The following KIF21B variants were observed in gnomAD, a reference collection of about 807,000 sequenced individuals.
KIF21B encodes kinesin-like protein KIF21B.
Under a neutral mutation model 192.9 loss-of-function variants are expected in KIF21B, and 85 were observed. That is an observed-to-expected ratio of 0.44 (90% CI 0.37 to 0.53). The LOEUF is 0.53. KIF21B is among the 20% of genes least tolerant of loss of function. The probability of loss-of-function intolerance (pLI) is 0.00; values close to 1 mark genes in which losing one functional copy is unlikely to be tolerated. For missense variants in KIF21B, 1,716 were observed against 2,194.8 expected (o/e 0.78, Z 4.36); for synonymous variants, 832 against 884.6 (o/e 0.94, Z 1.05).
At position 200,991,728 on chromosome 1, in the gene KIF21B, G is replaced by A. The variant is rs1184333302; in HGVS notation, c.2386-3C>T. 4 of 1,613,904 alleles carry A rather than the reference G, an allele frequency of 2.5e-6. No homozygotes were observed. In the African/African-American group the frequency reaches 4.0e-5, roughly 16 times the overall value. On this transcript the variant is annotated splice_polypyrimidine_tract_variant and splice_region_variant and intron_variant, in intron 16 of 34. Transcript: ENST00000461742. Reference sequence around the variant, plus strand: ...GACTCCAGAGCTCGGATCTGAAACTGTGGGAGACAGAAGAGGGCTGGGCTC... The same window carrying A: ...GACTCCAGAGCTCGGATCTGAAACTATGGGAGACAGAAGAGGGCTGGGCTC...
At position 201,000,689 on chromosome 1, in the gene KIF21B, G is replaced by A. The variant is rs375457053; in HGVS notation, c.1466+28C>T. On this transcript the variant is annotated intron_variant, in intron 10 of 34. Coordinates refer to ENST00000461742, the MANE Select transcript of KIF21B (RefSeq NM_001252102.2). The surrounding 1 kb of genome is among the most constrained non-coding windows in gnomAD (Gnocchi z 6.0). The stretch of plus-strand genomic sequence containing the variant: ...CACCTGGCCGAGGCCCCCAGCCCGC[G>A]CACACCTGCCGGAGCTCACTCACTC... 5 of 1,613,918 alleles carry A rather than the reference G, an allele frequency of 3.1e-6. No individual in the cohort carries two copies. In the South Asian group the frequency reaches 3.3e-5, roughly 11 times the overall value.
chr1:200,990,877 C>A lies in KIF21B; in HGVS notation c.2687+40G>T. 6.2e-7 allele frequency: 1 copy of A among 1,611,496 alleles called. No individual in the cohort carries two copies. The highest frequency in any genetic ancestry group is 8.5e-7 in the Non-Finnish European group (1 of 1,177,916). ...TGGCCCTGCCCCATATTCCCACCCCCTCTGCCTGCACAGGCCAGGGGACTG... is the reference window on the plus strand; with the variant it reads ...TGGCCCTGCCCCATATTCCCACCCCATCTGCCTGCACAGGCCAGGGGACTG... On this transcript the variant is annotated intron_variant, in intron 18 of 34. Transcript: ENST00000461742. The surrounding 1 kb of genome is among the most constrained non-coding windows in gnomAD (Gnocchi z 5.4).
At chr1:201,004,489 C>T (rs375185259) in intron 6 of KIF21B, 34 bp from the exon 7 acceptor site, 1 of 1,524,486 alleles carries the variant, frequency 6.6e-7, no homozygotes, top group Non-Finnish European at 8.9e-7. Flanking sequence ...TCAGCAGTCA[C>T]TCAGGGAGCG....
At chr1:201,020,808 T>TACACACACACACAC (rs60686711) in intron 1 of KIF21B, among the ~76,000 whole-genome samples, 7,245 of 142,782 alleles carry the variant, frequency 0.051, 349 homozygotes, top group African/African-American at 0.12. Context: ...CTCTCTCCTC[T>TACACACACACACAC]ACACACACAC....
At chr1:201,018,915 C>T (rs1188168930) in intron 1 of KIF21B, among the ~76,000 whole-genome samples, 1 of 152,140 alleles carries the variant, frequency 6.6e-6, no homozygotes, top group Non-Finnish European at 1.5e-5. Flanking sequence ...CTCTTAGGTA[C>T]ACTTACATTA....
In KIF21B at chr1:200,982,575, TCCC is replaced by T. The variant is rs35077751; in HGVS notation, c.3842+478_3842+480del. ...AGGGGCGCTGCCCCCATGGTGCCCC[TCCC>T]CCCATGGTGCCCCTCCCAGAGCCAA... is the stretch of plus-strand genomic sequence containing the variant. On this transcript the variant is annotated intron_variant, in intron 28 of 34. Coordinates refer to ENST00000461742, the MANE Select transcript of KIF21B (RefSeq NM_001252102.2). This position sits in a 1 kb window ranked among gnomAD's most constrained non-coding sequence, Gnocchi z 4.7. 1.9e-3 allele frequency among the ~76,000 whole-genome samples: 281 copies of T among 151,556 alleles called. No homozygotes were observed. The highest frequency in any genetic ancestry group is 2.7e-3 in the Non-Finnish European group (186 of 67,850).
In KIF21B at chr1:200,999,454, G is replaced by T. The variant is rs758635507; in HGVS notation, c.1780C>A (p.Arg594=). ...ENEAEEEEEE[R]DESGCEEEEG... is the part of the protein sequence containing the mutation. Reference sequence around the variant, plus strand: ...TCCTCCTCACAGCCACTCTCGTCTCGCTCTTCCTCCTCCTGGGCACCAGGC... The same window carrying T: ...TCCTCCTCACAGCCACTCTCGTCTCTCTCTTCCTCCTCCTGGGCACCAGGC... Residue 594 remains arginine (R), a synonymous_variant, in exon 13 of 35, where the codon CGA becomes AGA. Transcript: ENST00000461742. This position sits in a 1 kb window ranked among gnomAD's most constrained non-coding sequence, Gnocchi z 4.7. 1 of 1,613,670 alleles carries T rather than the reference G, an allele frequency of 6.2e-7. No individual in the cohort carries two copies. The highest frequency in any genetic ancestry group is 8.5e-7 in the Non-Finnish European group (1 of 1,179,788).
rs1656648650 is a variant in KIF21B, at chr1:200,990,951, G to C, written c.2653C>G (p.Pro885Ala). Residue 885 changes from proline (P) to alanine (A), a missense_variant, in exon 18 of 35, where the codon CCT becomes GCT. Transcript: ENST00000461742. This position sits in a 1 kb window ranked among gnomAD's most constrained non-coding sequence, Gnocchi z 5.4. ...CGGGTGCCATTGACAGTGGGCGCAG[G>C]ATGGTCCCCCAAGAAGTGGTTGATT... ...RKINHFLGDH[P>A]APTVNGTRPA... is the part of the protein sequence containing the mutation. 1.2e-6 allele frequency: 2 copies of C among 1,614,162 alleles called. No homozygotes were observed. Among genetic ancestry groups the C allele is most frequent in the African/African-American group, 1.3e-5 (1 of 75,058 alleles).
intron 1 of KIF21B, among the ~76,000 whole-genome samples, chr1:201,016,563 G>A (rs1055382816): frequency 2.0e-5 from 3 of 152,186 alleles, no homozygotes; most frequent in Non-Finnish European, 2.9e-5. Flanking sequence ...CAGACACCCG[G>A]GGGCTTTTAG....
At chr1:200,974,204 G>A (rs1359267066) in intron 34 of KIF21B, 1 of 1,544,080 alleles carries the variant, frequency 6.5e-7, no homozygotes. Context: ...ACTGTGTGGG[G>A]AGAGAGGCGA....
intron 7 of KIF21B, among the ~76,000 whole-genome samples, 166 bp downstream of exon 7, chr1:201,004,174 C>T (rs190035869): frequency 1.3e-5 from 2 of 152,302 alleles, no homozygotes; most frequent in East Asian, 1.9e-4. Flanking sequence ...GCCATAGCTG[C>T]CTGAAGGTCA....
chr1:201,004,389 T>G lies in KIF21B; in HGVS notation c.967A>C (p.Arg323=). 6.3e-7 allele frequency: 1 copy of G among 1,581,172 alleles called. No individual in the cohort carries two copies. Among genetic ancestry groups the G allele is most frequent in the Non-Finnish European group, 8.6e-7 (1 of 1,162,840 alleles). The change falls in exon 7 of 35, where the codon AGG becomes CGG. Residue 323 remains arginine, a synonymous_variant. Coordinates refer to ENST00000461742, the MANE Select transcript of KIF21B (RefSeq NM_001252102.2). Reference sequence around the variant, plus strand: ...AGGAGCCGAGTGAGCTTGGAGTCCCTGTAGGGAACGTGCACCACCTTCTTG... The same window carrying G: ...AGGAGCCGAGTGAGCTTGGAGTCCCGGTAGGGAACGTGCACCACCTTCTTG... ...QSKKVVHVPY[R]DSKLTRLLQD... is the part of the protein sequence containing the mutation.
chr1:200,986,923 A>G lies in KIF21B; in HGVS notation c.3615-5T>C. ...GTGGCTCGAGATTGCCTAGGGCTAC[A>G]ACAGAAGAGTCCAGTGAGGCCCAGA... On this transcript the variant is annotated splice_polypyrimidine_tract_variant and splice_region_variant and intron_variant, in intron 25 of 34. Coordinates refer to ENST00000461742, the MANE Select transcript of KIF21B (RefSeq NM_001252102.2). 1.2e-6 allele frequency: 2 copies of G among 1,613,676 alleles called. No individual in the cohort carries two copies. The highest frequency in any genetic ancestry group is 2.2e-5 in the South Asian group (2 of 91,006).
In KIF21B at chr1:200,981,192, G is replaced by T; in HGVS notation, c.3843-96C>A. Reference sequence around the variant, plus strand: ...GTGTGTGGGATGGGGACAGGGCAGGGAGGGGATGAGGACCAAATAACAGAG... The same window carrying T: ...GTGTGTGGGATGGGGACAGGGCAGGTAGGGGATGAGGACCAAATAACAGAG... On this transcript the variant is annotated intron_variant, in intron 28 of 34. Coordinates refer to ENST00000461742, the MANE Select transcript of KIF21B (RefSeq NM_001252102.2). 3.0e-6 allele frequency: 4 copies of T among 1,324,410 alleles called. No homozygotes were observed. The South Asian group carries it at 4.6e-5, about 15-fold the overall frequency. 82.0% of individuals were successfully genotyped at this position (1,324,410 alleles called of 1,614,324 possible).
chr1:200,973,411 C>T lies in KIF21B; in HGVS notation c.*110G>A, dbSNP rs545884986. On this transcript the variant is annotated 3_prime_UTR_variant, in exon 35 of 35. Transcript: ENST00000461742. ...GGGAGGAGGGCAGGAGAGGGGGCCACGCCCTCTGTCCCCAGAGCAGCTGGC... is the reference window on the plus strand; with the variant it reads ...GGGAGGAGGGCAGGAGAGGGGGCCATGCCCTCTGTCCCCAGAGCAGCTGGC... 2.3e-3 allele frequency: 3,013 copies of T among 1,292,474 alleles called. 8 individuals are homozygous for T. The highest frequency in any genetic ancestry group is 2.6e-3 in the Non-Finnish European group (2,624 of 1,002,086). 80.1% of individuals were successfully genotyped at this position (1,292,474 alleles called of 1,614,324 possible).
At position 200,969,392 on chromosome 1, in the gene KIF21B, G is replaced by A. The variant is rs1217512177; in HGVS notation, c.*4129C>T. 2.0e-5 allele frequency: 3 copies of A among 150,134 alleles called. No homozygotes were observed. The highest frequency in any genetic ancestry group is 3.0e-5 in the Non-Finnish European group (2 of 67,756). 9.3% of individuals were successfully genotyped at this position (150,134 alleles called of 1,614,324 possible). A position where few individuals can be genotyped will look rare whatever the true frequency, so the allele number is the denominator to read the frequency against. ...GACAGGGGACACCTCCACAGACATTGGTCATTCAGGTTTTATTTATGACAA... is the reference window on the plus strand; with the variant it reads ...GACAGGGGACACCTCCACAGACATTAGTCATTCAGGTTTTATTTATGACAA... On this transcript the variant is annotated 3_prime_UTR_variant, in exon 35 of 35. Coordinates refer to ENST00000461742, the MANE Select transcript of KIF21B (RefSeq NM_001252102.2).
chr1:200,997,472 C>T (rs754598148), intron 14 of KIF21B, among the ~76,000 whole-genome samples: 9 of 152,180 alleles, frequency 5.9e-5, no homozygotes, highest in Admixed American at 1.3e-4. Flanking sequence ...CGGCCAGGCA[C>T]GGTGGCTCAT....
chr1:201,001,394 A>C (rs929273237), intron 9 of KIF21B: 2 of 152,732 alleles, frequency 1.3e-5, no homozygotes, highest in African/African-American at 2.4e-5. Flanking sequence ...GTTTTTTTAA[A>C]TTTTTATTTT....
At chr1:201,022,075 G>A (rs1441988106) in intron 1 of KIF21B, among the ~76,000 whole-genome samples, 1 of 152,206 alleles carries the variant, frequency 6.6e-6, no homozygotes. Flanking sequence ...CATGGGTGGG[G>A]GTGCCTCAAT....
Sources: allele counts gnomAD v4.1 joint callset (sites outside exome capture counted in the v4.1 genomes callset), GRCh38; gene constraint gnomAD v4.1.1; non-coding constraint Gnocchi (gnomAD v3.1); transcripts MANE v1.5; gene names NCBI Gene and HGNC (gene_info 2026-07-23, HGNC 2026-07-21).